PLPP5: variants seen among roughly 807,000 people sequenced by gnomAD.
PLPP5 encodes diacylglycerol pyrophosphate like 1.
In PLPP5, 29 loss-of-function variants were observed where a neutral mutation model predicts 23.6. The ratio of observed to expected loss-of-function variants is 1.23; its 90% CI spans 0.92 to 1.68. The LOEUF (loss-of-function observed/expected upper bound fraction) is 1.68, where lower values mean the gene tolerates loss of function less well. Among genes scored for constraint, PLPP5 ranks in the 40% most tolerant of loss-of-function variants. The probability of loss-of-function intolerance (pLI) is 0.00; values close to 1 mark genes in which losing one functional copy is unlikely to be tolerated. For synonymous variants in PLPP5, 143 were observed against 131.3 expected (o/e 1.09, Z -0.61); for missense variants, 315 against 332.1 (o/e 0.95, Z 0.40).
chr8:38,269,050 G>C, intron 1 of PLPP5, 60 bp from the exon 2 acceptor site: 1 of 1,525,392 alleles, frequency 6.6e-7, no homozygotes, highest in Non-Finnish European at 8.8e-7. Context: ...CTTCCCCACT[G>C]CCCGACCCGC....
At chr8:38,265,060 A>G (rs1807374681) in intron 6 of PLPP5, 1 of 771,056 alleles carries the variant, frequency 1.3e-6, no homozygotes, top group Non-Finnish European at 2.3e-6. Context: ...CGAGGTCAGG[A>G]GATTGAGACC....
chr8:38,269,194 C>A lies in PLPP5; in HGVS notation c.6G>T (p.Gly2=), dbSNP rs1438213981. 18 of 1,500,432 alleles carry A rather than the reference C, an allele frequency of 1.2e-5. No homozygotes were observed. Among genetic ancestry groups the A allele is most frequent in the African/African-American group, 5.8e-5 (4 of 68,724 alleles). The allele number at this position is 1,500,432 out of a possible 1,614,324, so 92.9% of individuals were successfully genotyped here. The change falls in exon 1 of 7, where the codon GGG becomes GGT. Residue 2 remains glycine (G), a synonymous_variant. Coordinates refer to ENST00000424479, the MANE Select transcript of PLPP5 (RefSeq NM_001102559.2). ...CAAAGGCCACCGCCGCCGCCGCCTT[C>A]CCCATCCGGCCGCGAGCTCCGAGCG... is the stretch of plus-strand genomic sequence containing the variant. M[G]KAAAAVAFGA...
intron 4 of PLPP5, 87 bp from the exon 5 acceptor site, chr8:38,267,478 C>T (rs2130936233): frequency 6.6e-7 from 1 of 1,512,112 alleles, no homozygotes; most frequent in African/African-American, 1.4e-5. Flanking sequence ...ATCCTGTTAA[C>T]TATTGGTCAA....
chr8:38,268,508 A>C, intron 2 of PLPP5, 47 bp from the exon 3 acceptor site: 1 of 1,545,640 alleles, frequency 6.5e-7, no homozygotes, highest in Non-Finnish European at 8.7e-7. Flanking sequence ...AAAAAGCCAC[A>C]CTCGTGCTCC....
chr8:38,267,405 GC>G lies in PLPP5; in HGVS notation c.339-15del. 1 of 1,610,976 alleles carries G rather than the reference GC, an allele frequency of 6.2e-7. No homozygotes were observed. The highest frequency in any genetic ancestry group is 1.3e-5 in the African/African-American group (1 of 74,838). ...TCTGGGCGTGGCCTGGAAGAAAGCA[GC>G]ATGGTTGGAACGTAAATCATTAACT... On this transcript the variant is annotated splice_polypyrimidine_tract_variant and intron_variant, in intron 4 of 6. Coordinates refer to ENST00000424479, the MANE Select transcript of PLPP5 (RefSeq NM_001102559.2).
chr8:38,264,484 G>T lies in PLPP5; in HGVS notation c.755C>A (p.Thr252Asn), dbSNP rs1373415973. The T allele has an allele frequency of 1.9e-6, 3 of 1,552,956 alleles. No homozygotes were observed. The highest frequency in any genetic ancestry group is 4.9e-5 in the East Asian group (2 of 41,094). The change falls in exon 7 of 7, where the codon ACT (threonine) becomes AAT (asparagine). Residue 252 changes from threonine (T) to asparagine (N), a missense_variant. By Grantham distance (65) the Thr-to-Asn change is moderately conservative. Transcript: ENST00000424479. The stretch of plus-strand genomic sequence containing the variant: ...ATAAGAATCCCCAGGCTTCTGTGCA[G>T]TGGAAAGTACAAGTTTGTCTTGAAA... ...KPFQDKLVLS[T>N]AQKPGDSYCF...
chr8:38,266,199 T>C lies in PLPP5; in HGVS notation c.576A>G (p.Leu192=). ...ACAGTGCAATCACAGCTGCAAAAAG[T>C]AGAGGTGACAGAAAGGCACAGAACC... ...SWRFCAFLSP[L]LFAAVIALSR... The change falls in exon 6 of 7, where the codon CTA becomes CTG. Residue 192 remains leucine (L), a synonymous_variant. Coordinates refer to ENST00000424479, the MANE Select transcript of PLPP5 (RefSeq NM_001102559.2). 2 of 1,613,904 alleles carry C rather than the reference T, an allele frequency of 1.2e-6. No individual in the cohort carries two copies. The highest frequency in any genetic ancestry group is 8.5e-7 in the Non-Finnish European group (1 of 1,179,876).
intron 3 of PLPP5, 159 bp from the exon 4 acceptor site, chr8:38,268,119 C>A: frequency 1.4e-6 from 2 of 1,451,006 alleles, no homozygotes; most frequent in South Asian, 1.4e-5. Context: ...TCTTTTGTAG[C>A]CGAGAACTTT....
chr8:38,264,528 A>G lies in PLPP5; in HGVS notation c.711T>C (p.Asp237=), dbSNP rs1446135485. ...CYRQYYPPLT[D]AECHKPFQDK... Reference sequence around the variant, plus strand: ...CTTGAAATGGTTTATGGCATTCTGCATCAGTCAGAGGAGGATAATACTGCC... The same window carrying G: ...CTTGAAATGGTTTATGGCATTCTGCGTCAGTCAGAGGAGGATAATACTGCC... The change falls in exon 7 of 7, where the codon GAT becomes GAC. Residue 237 remains aspartate, a synonymous_variant. Coordinates refer to ENST00000424479, the MANE Select transcript of PLPP5 (RefSeq NM_001102559.2). The G allele has an allele frequency of 3.2e-6, 5 of 1,567,542 alleles. No homozygotes were observed. The highest frequency in any genetic ancestry group is 1.7e-4 in the Middle Eastern group (1 of 6,004).
chr8:38,263,604 G>A lies in PLPP5; in HGVS notation c.*840C>T. ...CAGCAGTACCAGATGGCTGGACTCA[G>A]ATAAGATGCACACAAAAGTGATAAA... On this transcript the variant is annotated 3_prime_UTR_variant, in exon 7 of 7. Coordinates refer to ENST00000424479, the MANE Select transcript of PLPP5 (RefSeq NM_001102559.2). 1 of 985,386 alleles carries A rather than the reference G, an allele frequency of 1.0e-6. No homozygotes were observed. Among genetic ancestry groups the A allele is most frequent in the Non-Finnish European group, 1.2e-6 (1 of 829,914 alleles). 61.0% of individuals were successfully genotyped at this position (985,386 alleles called of 1,614,324 possible).
At chr8:38,266,475 A>C in intron 5 of PLPP5, 164 bp from the exon 6 acceptor site, 3 of 630,622 alleles carry the variant, frequency 4.8e-6, no homozygotes, top group South Asian at 2.1e-5. Context: ...ATCTCGGCTC[A>C]CTGCAACCTC....
At position 38,267,877 on chromosome 8, in the gene PLPP5, G is replaced by T; in HGVS notation, c.338+20C>A. On this transcript the variant is annotated intron_variant, in intron 4 of 6. Coordinates refer to ENST00000424479, the MANE Select transcript of PLPP5 (RefSeq NM_001102559.2). ...TAAGGGCTGAGGCAGATGCTGGGGT[G>T]GTTAGCTGTTGTCACTTACCTCCCT... 1 of 1,611,868 alleles carries T rather than the reference G, an allele frequency of 6.2e-7. No individual in the cohort carries two copies. Among genetic ancestry groups the T allele is most frequent in the Non-Finnish European group, 8.5e-7 (1 of 1,178,328 alleles).
In PLPP5 at chr8:38,268,220, C is replaced by A. The variant is rs954259123; in HGVS notation, c.274+151G>T. The stretch of plus-strand genomic sequence containing the variant: ...CCGTGTAGCCTGCGTAACCAAGTCC[C>A]TGCAGTGCTATTTTCCTCTCCCGCG... On this transcript the variant is annotated intron_variant, in intron 3 of 6. Transcript: ENST00000424479. The A allele has an allele frequency of 2.8e-6, 3 of 1,052,986 alleles. No homozygotes were observed. In the Admixed American group the frequency reaches 8.2e-5, roughly 29 times the overall value. 65.2% of individuals were successfully genotyped at this position (1,052,986 alleles called of 1,614,324 possible). A position where few individuals can be genotyped will look rare whatever the true frequency, so the allele number is the denominator to read the frequency against.
chr8:38,266,155 T>C lies in PLPP5; in HGVS notation c.620A>G (p.Lys207Arg). ...ACTTTGCTTACCTTGCCAGTGATGC[T>C]TGTAGTCACATGTGCGGGACAGTGC... is the stretch of plus-strand genomic sequence containing the variant. ...VIALSRTCDY[K>R]HHWQDVLVGS... is the part of the protein sequence containing the mutation. The change falls in exon 6 of 7, where the codon AAG (lysine) becomes AGG (arginine). Residue 207 changes from lysine (K) to arginine (R), a missense_variant. Physicochemically the swap from Lys to Arg is conservative, Grantham distance 26 (BLOSUM62 2). Transcript: ENST00000424479. The C allele has an allele frequency of 6.2e-7, 1 of 1,614,054 alleles. No individual in the cohort carries two copies. Among genetic ancestry groups the C allele is most frequent in the Non-Finnish European group, 8.5e-7 (1 of 1,179,952 alleles).
intron 6 of PLPP5, among the ~76,000 whole-genome samples, chr8:38,265,917 T>C (rs1165029374): frequency 6.6e-6 from 1 of 152,236 alleles, no homozygotes; most frequent in African/African-American, 2.4e-5. Context: ...AACTTGAACT[T>C]ACAATGCTTC....
At position 38,268,367 on chromosome 8, in the gene PLPP5, T is replaced by G. The variant is rs1370367821; in HGVS notation, c.274+4A>C. The G allele has an allele frequency of 8.3e-6, 13 of 1,563,576 alleles. No homozygotes were observed. The East Asian group carries it at 3.1e-4, about 37-fold the overall frequency. On this transcript the variant is annotated splice_donor_region_variant and intron_variant, in intron 3 of 6. Coordinates refer to ENST00000424479, the MANE Select transcript of PLPP5 (RefSeq NM_001102559.2). The stretch of plus-strand genomic sequence containing the variant: ...GAAACCGGCCCGAAAGGGCTAGCGC[T>G]CACCCAGGCAGGCTTGTCTGCTGTC...
chr8:38,268,930 G>A lies in PLPP5; in HGVS notation c.135C>T (p.Tyr45=). The A allele has an allele frequency of 5.1e-6, 8 of 1,563,688 alleles. No individual in the cohort carries two copies. Among genetic ancestry groups the A allele is most frequent in the Non-Finnish European group, 4.3e-6 (5 of 1,160,580 alleles). ...RLIQPEEMWL[Y]RNPYVEAEYF... is the part of the protein sequence containing the mutation. The stretch of plus-strand genomic sequence containing the variant: ...ACTCCGCCTCCACGTAGGGGTTCCG[G>A]TAGAGCCACATCTCCTCCGGCTGGA... Residue 45 remains tyrosine, a synonymous_variant, in exon 2 of 7, where the codon TAC becomes TAT. Coordinates refer to ENST00000424479, the MANE Select transcript of PLPP5 (RefSeq NM_001102559.2).
chr8:38,268,500 A>G (rs1201174219), intron 2 of PLPP5, 39 bp from the exon 3 acceptor site: 1 of 1,548,824 alleles, frequency 6.5e-7, no homozygotes, highest in East Asian at 2.4e-5. Context: ...AATCCAAAAA[A>G]AAGCCACACT....
At chr8:38,266,029 C>G in intron 6 of PLPP5, 112 bp downstream of exon 6, 1 of 942,538 alleles carries the variant, frequency 1.1e-6, no homozygotes, top group Non-Finnish European at 1.6e-6. Flanking sequence ...ACCATCCATA[C>G]TCATTAATTT....
Sources: gnomAD v4.1 joint callset for allele counts (sites outside exome capture counted in the v4.1 genomes callset) on GRCh38, gnomAD v4.1.1 for gene constraint, MANE v1.5 for transcripts, NCBI Gene and HGNC (gene_info 2026-07-23, HGNC 2026-07-21) for gene names.